CTCFL: variants seen among roughly 807,000 people sequenced by gnomAD.
CTCFL encodes CCCTC-binding factor like.
In CTCFL, 36 loss-of-function variants were observed where a neutral mutation model predicts 67.4. The observed-to-expected ratio is 0.53, with a 90% CI of 0.41 to 0.71. CTCFL has a LOEUF of 0.71. Among genes scored for constraint, CTCFL ranks in the 30% least tolerant of loss-of-function variants. The pLI is 0.00. For synonymous variants in CTCFL, 324 were observed against 302.3 expected (o/e 1.07, Z -0.75); for missense variants, 786 against 835.2 (o/e 0.94, Z 0.73).
chr20:57,519,078 A>G (rs1215512222), intron 4 of CTCFL, 129 bp downstream of exon 4: 9 of 1,223,104 alleles, frequency 7.4e-6, no homozygotes, highest in African/African-American at 6.1e-5. Flanking sequence ...ATGGAAATTC[A>G]AGAAAAAGAA....
At position 57,497,742 on chromosome 20, in the gene CTCFL, G is replaced by T. The variant is rs1009968582; in HGVS notation, c.*808C>A. 1 of 984,114 alleles carries T rather than the reference G, an allele frequency of 1.0e-6. No individual in the cohort carries two copies. Among genetic ancestry groups the T allele is most frequent in the African/African-American group, 1.8e-5 (1 of 56,718 alleles). 61.0% of individuals were successfully genotyped at this position (984,114 alleles called of 1,614,324 possible). A position where few individuals can be genotyped will look rare whatever the true frequency, so the allele number is the denominator to read the frequency against. On this transcript the variant is annotated 3_prime_UTR_variant, in exon 11 of 11. Coordinates refer to ENST00000243914, the MANE Select transcript of CTCFL (RefSeq NM_001386993.1). ...GCCAATTATTTTACAAATATAAAAA[G>T]AGTAGTTTTAGCAGAAAAAAGGGTT... is the stretch of plus-strand genomic sequence containing the variant.
intron 6 of CTCFL, 190 bp downstream of exon 6, chr20:57,515,524 C>T (rs1184397042): frequency 3.1e-6 from 2 of 636,858 alleles, no homozygotes; most frequent in African/African-American, 1.8e-5. Context: ...GGTTGTGGCA[C>T]AGTATCTATG....
chr20:57,512,029 C>A (rs1600659543), intron 8 of CTCFL, among the ~76,000 whole-genome samples: 1 of 152,184 alleles, frequency 6.6e-6, no homozygotes, highest in Non-Finnish European at 1.5e-5. Context: ...TTCAAACAAA[C>A]CCCCAGGTGC....
intron 6 of CTCFL, 153 bp downstream of exon 6, chr20:57,515,561 T>C (rs1323605238): frequency 1.4e-5 from 13 of 903,052 alleles, no homozygotes; most frequent in Non-Finnish European, 2.1e-5. Context: ...TAAATAAAGG[T>C]AAAAGTACAG....
chr20:57,503,877 G>A (rs2068044964), intron 9 of CTCFL, among the ~76,000 whole-genome samples: 1 of 151,672 alleles, frequency 6.6e-6, no homozygotes, highest in African/African-American at 2.4e-5. Flanking sequence ...AGCCCCGGAG[G>A]TCGAGGCTGC....
chr20:57,506,202 T>C (rs1304673178), intron 9 of CTCFL, among the ~76,000 whole-genome samples: 2 of 152,242 alleles, frequency 1.3e-5, no homozygotes, highest in African/African-American at 4.8e-5. Flanking sequence ...CAAGAAGTCG[T>C]GGCAGAAACT....
intron 6 of CTCFL, 200 bp from the exon 7 acceptor site, chr20:57,514,941 G>C (rs778968807): frequency 2.1e-4 from 122 of 582,300 alleles, no homozygotes; most frequent in Non-Finnish European, 3.4e-4. Context: ...TGATGGACCA[G>C]AGACATGACT....
intron 9 of CTCFL, among the ~76,000 whole-genome samples, chr20:57,505,668 T>C (rs2068168297): frequency 6.6e-6 from 1 of 152,172 alleles, no homozygotes; most frequent in Non-Finnish European, 1.5e-5. Context: ...CCATAAAGAT[T>C]TTACTTTTCT....
At position 57,512,579 on chromosome 20, in the gene CTCFL, T is replaced by G. The variant is rs1426024489; in HGVS notation, c.1491+13A>C. On this transcript the variant is annotated intron_variant, in intron 8 of 10. Coordinates refer to ENST00000243914, the MANE Select transcript of CTCFL (RefSeq NM_001386993.1). ...TACACCACTGCCTCTCCAAATTAAG[T>G]AAAGTACAATACCTGCTTGCAGGCA... 2 of 1,612,220 alleles carry G rather than the reference T, an allele frequency of 1.2e-6. No individual in the cohort carries two copies. The highest frequency in any genetic ancestry group is 1.7e-6 in the Non-Finnish European group (2 of 1,178,462).
chr20:57,514,586 A>G lies in CTCFL; in HGVS notation c.1330+6T>C. 6.2e-7 allele frequency: 1 copy of G among 1,613,768 alleles called. No homozygotes were observed. Among genetic ancestry groups the G allele is most frequent in the South Asian group, 1.1e-5 (1 of 91,054 alleles). Reference sequence around the variant, plus strand: ...GTAGTAAAAGAAAGATCGCTAAACCACTCACGTAGGTCGCTTTTCCGTGCA... The same window carrying G: ...GTAGTAAAAGAAAGATCGCTAAACCGCTCACGTAGGTCGCTTTTCCGTGCA... On this transcript the variant is annotated splice_donor_region_variant and intron_variant, in intron 7 of 10. Coordinates refer to ENST00000243914, the MANE Select transcript of CTCFL (RefSeq NM_001386993.1).
chr20:57,507,339 G>A (rs1405427697), intron 9 of CTCFL: 28 of 505,274 alleles, frequency 5.5e-5, no homozygotes, highest in South Asian at 2.2e-5. Flanking sequence ...TTACAAGCGT[G>A]CACTACCACG....
chr20:57,509,365 G>A (rs989876764), intron 8 of CTCFL, among the ~76,000 whole-genome samples: 6 of 148,204 alleles, frequency 4.0e-5, no homozygotes, highest in Admixed American at 6.8e-5. Context: ...CTGGGCCCAA[G>A]TGATCCTCCT....
chr20:57,496,068 T>G (rs189819309), downstream of CTCFL: 4 of 398,888 alleles, frequency 1.0e-5, no homozygotes, highest in East Asian at 1.4e-4. Context: ...CCAAAGCTCA[T>G]GTTGAATTGT....
At chr20:57,522,627 T>G (rs1363218038) in intron 3 of CTCFL, among the ~76,000 whole-genome samples, 3 of 152,156 alleles carry the variant, frequency 2.0e-5, no homozygotes, top group Non-Finnish European at 2.9e-5. Context: ...GATCCCCATC[T>G]TAGTGGCTTC....
chr20:57,511,068 G>T (rs1476672049), intron 8 of CTCFL, among the ~76,000 whole-genome samples: 3 of 151,976 alleles, frequency 2.0e-5, no homozygotes, highest in Non-Finnish European at 4.4e-5. Flanking sequence ...TTTTTTTAGG[G>T]TCTCACTCAG....
In CTCFL at chr20:57,503,570, C is replaced by T. The variant is rs1211625769; in HGVS notation, c.1706G>A (p.Gly569Glu). 1 of 1,614,066 alleles carries T rather than the reference C, an allele frequency of 6.2e-7. No individual in the cohort carries two copies. Among genetic ancestry groups the T allele is most frequent in the African/African-American group, 1.3e-5 (1 of 74,934 alleles). The change falls in exon 10 of 11, where the codon GGA becomes GAA. Residue 569 changes from glycine to glutamate, a missense_variant. Physicochemically the swap from Gly to Glu is moderately conservative, Grantham distance 98. This residue lies in a region of CTCFL where 199 missense variants were observed against 196.7 expected (regional missense o/e 1.01). Coordinates refer to ENST00000243914, the MANE Select transcript of CTCFL (RefSeq NM_001386993.1). ...INLHRHSEKCGSGEAKSAASG... is the reference protein window; with the variant it reads ...INLHRHSEKCESGEAKSAASG... ...AGCAGCCGACTTTGCTTCCCCTGAT[C>T]CACACTTCTCCGAATGTCTGTGCAG...
chr20:57,497,536 T>G lies in CTCFL; in HGVS notation c.*1014A>C, dbSNP rs918694435. On this transcript the variant is annotated 3_prime_UTR_variant, in exon 11 of 11. Transcript: ENST00000243914. ...TAAGCAATGAAGAAAAATCTGCCTC[T>G]GTATCCAGATAGAAATGAATTTCAA... is the stretch of plus-strand genomic sequence containing the variant. 12 of 985,340 alleles carry G rather than the reference T, an allele frequency of 1.2e-5. No individual in the cohort carries two copies. The Admixed American group carries it at 6.1e-4, about 50-fold the overall frequency. 61.0% of individuals were successfully genotyped at this position (985,340 alleles called of 1,614,324 possible). A position where few individuals can be genotyped will look rare whatever the true frequency, so the allele number is the denominator to read the frequency against.
intron 8 of CTCFL, among the ~76,000 whole-genome samples, chr20:57,510,768 CAGG>C (rs2068498900): frequency 6.6e-6 from 1 of 152,172 alleles, no homozygotes; most frequent in South Asian, 2.1e-4. Context: ...GAGGCTGAGG[CAGG>C]AGAATGGCGT....
At chr20:57,512,132 G>A (rs1408908197) in intron 8 of CTCFL, among the ~76,000 whole-genome samples, 14 of 152,112 alleles carry the variant, frequency 9.2e-5, no homozygotes, top group Admixed American at 9.2e-4. Context: ...TCCAGGTAAA[G>A]ACTGAATAAA....
Sources: gnomAD v4.1 joint callset for allele counts (sites outside exome capture counted in the v4.1 genomes callset) on GRCh38, gnomAD v4.1.1 for gene constraint, gnomAD v4.1.1 regional missense constraint, MANE v1.5 for transcripts, NCBI Gene and HGNC (gene_info 2026-07-23, HGNC 2026-07-21) for gene names.